The following ZBP1 variants were observed in gnomAD, a reference collection of about 807,000 sequenced individuals.
The protein encoded by ZBP1 is Z-DNA-binding protein 1.
ZBP1 carries 42 observed loss-of-function variants against 41.1 expected under a neutral mutation model. The observed-to-expected ratio is 1.02, with a 90% confidence interval of 0.80 to 1.32. ZBP1 has a LOEUF of 1.32. Among genes scored for constraint, ZBP1 ranks in the 40% most tolerant of loss-of-function variants. The pLI is 0.00. For missense variants in ZBP1, 562 were observed against 549.7 expected (o/e 1.02, Z -0.22); for synonymous variants, 214 against 205.2 (o/e 1.04, Z -0.37).
At chr20:57,615,746 C>G (rs2070806428) in intron 2 of ZBP1, 166 bp from the exon 3 acceptor site, 3 of 587,058 alleles carry the variant, frequency 5.1e-6, no homozygotes, top group African/African-American at 3.9e-5. Context: ...TGCGCCCTGG[C>G]AGCTGCGGCT....
intron 2 of ZBP1, 43 bp from the exon 3 acceptor site, chr20:57,615,623 C>T: frequency 1.3e-6 from 2 of 1,571,284 alleles, no homozygotes; most frequent in Non-Finnish European, 1.7e-6. Context: ...GGACAGAAGA[C>T]AGCACCAGGC....
chr20:57,606,564 C>T (rs936794372), intron 7 of ZBP1, among the ~76,000 whole-genome samples: 1 of 152,224 alleles, frequency 6.6e-6, no homozygotes, highest in Non-Finnish European at 1.5e-5. Context: ...ACTTTCATAA[C>T]TCGAAAGGAG....
chr20:57,605,521 T>C (rs2070472760), intron 7 of ZBP1, among the ~76,000 whole-genome samples: 1 of 152,238 alleles, frequency 6.6e-6, no homozygotes, highest in Non-Finnish European at 1.5e-5. Context: ...ATGACGAAGT[T>C]AATTAATAAA....
At chr20:57,615,138 C>T (rs2070783528) in intron 3 of ZBP1, 78 bp from the exon 4 acceptor site, 2 of 1,504,618 alleles carry the variant, frequency 1.3e-6, no homozygotes, top group African/African-American at 1.4e-5. Flanking sequence ...AGCTGTGTGG[C>T]CCTGGACCCA....
rs371035944 is a variant in ZBP1 at position 57,613,118 on chromosome 20, G to A, written c.670+45C>T. The A allele has an allele frequency of 7.6e-5, 123 of 1,612,352 alleles. 1 individual carries two copies. In the East Asian group the frequency reaches 1.7e-3, roughly 23 times the overall value. On this transcript the variant is annotated intron_variant, in intron 5 of 7. Transcript: ENST00000371173. This position sits in a 1 kb window ranked among gnomAD's most constrained non-coding sequence, Gnocchi z 4.5. ...TTGCCCCCACCCAGAGGATCCGGTG[G>A]CTCCCCACCGAGGTCCCCTCCCTGG...
At chr20:57,618,799 T>G (rs1286797132) in intron 1 of ZBP1, among the ~76,000 whole-genome samples, 1 of 152,158 alleles carries the variant, frequency 6.6e-6, no homozygotes, top group East Asian at 1.9e-4. Flanking sequence ...CAGGCTGGTG[T>G]CAAACTCCTG....
At chr20:57,605,667 G>A (rs969383650) in intron 7 of ZBP1, among the ~76,000 whole-genome samples, 1 of 152,110 alleles carries the variant, frequency 6.6e-6, no homozygotes, top group African/African-American at 2.4e-5. Flanking sequence ...GGGCGCCGTG[G>A]GTCACACCTA....
chr20:57,615,468 G>A (rs1355727383), intron 3 of ZBP1, 44 bp downstream of exon 3: 13 of 1,597,710 alleles, frequency 8.1e-6, no homozygotes, highest in African/African-American at 1.3e-5. Context: ...CCTGGGGAGT[G>A]GGATCCTGTG....
In ZBP1 at chr20:57,616,277, C is replaced by G. The variant is rs1372897343; in HGVS notation, c.226G>C (p.Glu76Gln). 6.2e-7 allele frequency: 1 copy of G among 1,614,168 alleles called. No individual in the cohort carries two copies. The highest frequency in any genetic ancestry group is 1.1e-5 in the South Asian group (1 of 91,084). ...GACAAGGCCAGCTCTGCAGGACCCT[C>G]GCCTTCAGGATCAGTCCCGCCCAAG... ...WCLGGTDPEG[E>Q]GPAELALSSP... The change falls in exon 2 of 8, where the codon GAG (glutamate) becomes CAG (glutamine). Residue 76 changes from glutamate to glutamine, a missense_variant. Physicochemically the swap from Glu to Gln is conservative, Grantham distance 29. Transcript: ENST00000371173.
At chr20:57,609,070 G>T (rs745319719) in intron 7 of ZBP1, among the ~76,000 whole-genome samples, 1 of 152,204 alleles carries the variant, frequency 6.6e-6, no homozygotes, top group African/African-American at 2.4e-5. Flanking sequence ...GCAGCCTGGA[G>T]CCAGGCCCTG....
In ZBP1 at chr20:57,604,594, G is replaced by C; in HGVS notation, c.1269C>G (p.Ser423Arg). The C allele has an allele frequency of 6.2e-7, 1 of 1,613,890 alleles. No homozygotes were observed. Among genetic ancestry groups the C allele is most frequent in the Non-Finnish European group, 8.5e-7 (1 of 1,179,840 alleles). Residue 423 changes from serine to arginine, a missense_variant, in exon 8 of 8, where the codon AGC (serine) becomes AGG (arginine). By Grantham distance (110) the Ser-to-Arg change is moderately radical. Coordinates refer to ENST00000371173, the MANE Select transcript of ZBP1 (RefSeq NM_030776.3). ...TGCACTAAATCCCACCTCCCCACCA[G>C]CTCCCCTCGTGTGAGGCTTCATCCA... Reference protein sequence around the residue: ...HYVDEASHEGSWWGGGI With the variant: ...HYVDEASHEGRWWGGGI
In ZBP1 at chr20:57,611,392, A is replaced by G. The variant is rs574824651; in HGVS notation, c.874+335T>C. Among the ~76,000 whole-genome samples, 9 of 144,890 alleles carry G rather than the reference A, an allele frequency of 6.2e-5. No homozygotes were observed. In the Admixed American group the frequency reaches 6.3e-4, roughly 10 times the overall value. On this transcript the variant is annotated intron_variant, in intron 6 of 7. Transcript: ENST00000371173. ...TCCGAGTGGCTAGGACTACAGGCGC[A>G]AGCCACCATGCCCGGTTAATTTTTT...
intron 6 of ZBP1, among the ~76,000 whole-genome samples, 178 bp downstream of exon 6, chr20:57,611,549 G>A (rs972287590): frequency 1.3e-5 from 2 of 151,534 alleles, no homozygotes; most frequent in African/African-American, 2.4e-5. Context: ...GAGCTCCCGC[G>A]CCCAGCCTAG....
At position 57,613,435 on chromosome 20, in the gene ZBP1, C is replaced by T; in HGVS notation, c.503-105G>A. ...TTCTCCTGGGGAGCTTGTTAAAATA[C>T]CCTGGGCGTTCCGAGTCAGTAGGGC... is the stretch of plus-strand genomic sequence containing the variant. On this transcript the variant is annotated intron_variant, in intron 4 of 7. Coordinates refer to ENST00000371173, the MANE Select transcript of ZBP1 (RefSeq NM_030776.3). The surrounding 1 kb of genome is among the most constrained non-coding windows in gnomAD (Gnocchi z 4.5). The T allele has an allele frequency of 7.7e-7, 1 of 1,305,974 alleles. No individual in the cohort carries two copies. Among genetic ancestry groups the T allele is most frequent in the Non-Finnish European group, 1.1e-6 (1 of 935,742 alleles). The allele number at this position is 1,305,974 out of a possible 1,614,324, so 80.9% of individuals were successfully genotyped here.
chr20:57,616,751 G>A (rs1164055545), intron 1 of ZBP1: 2 of 476,256 alleles, frequency 4.2e-6, no homozygotes, highest in Middle Eastern at 6.0e-4. Context: ...GGGTTCCAGA[G>A]GGCAGTGGGG....
Position 57,610,548 on chromosome 20 carries a change from T to C in ZBP1, c.875-181A>G. The C allele has an allele frequency of 1.6e-6, 1 of 623,968 alleles. No individual in the cohort carries two copies. The allele number at this position is 623,968 out of a possible 1,614,324, so 38.7% of individuals were successfully genotyped here. A position where few individuals can be genotyped will look rare whatever the true frequency, so the allele number is the denominator to read the frequency against. On this transcript the variant is annotated intron_variant, in intron 6 of 7. Coordinates refer to ENST00000371173, the MANE Select transcript of ZBP1 (RefSeq NM_030776.3). This position sits in a 1 kb window ranked among gnomAD's most constrained non-coding sequence, Gnocchi z 5.5. The stretch of plus-strand genomic sequence containing the variant: ...CCCGCCACACCTCCGCTCGTGCTGT[T>C]GTGCTGTCTGGGAAGCGTCTTTCTG...
intron 5 of ZBP1, among the ~76,000 whole-genome samples, chr20:57,612,297 A>G (rs921954199): frequency 4.6e-5 from 7 of 152,186 alleles, no homozygotes; most frequent in Admixed American, 3.3e-4. Flanking sequence ...CAGGGACAAC[A>G]TTTATTTTTA....
intron 5 of ZBP1, 80 bp from the exon 6 acceptor site, chr20:57,612,010 T>G: frequency 2.0e-4 from 267 of 1,355,096 alleles, no homozygotes; most frequent in Non-Finnish European, 2.5e-4. Flanking sequence ...CGCAGGCCTG[T>G]CCTCTGAATT....
At chr20:57,614,388 T>C (rs2070760043) in intron 4 of ZBP1, among the ~76,000 whole-genome samples, 1 of 152,190 alleles carries the variant, frequency 6.6e-6, no homozygotes, top group African/African-American at 2.4e-5. Context: ...TAAATGAAAT[T>C]AAAATTAAAA....
Sources: gnomAD v4.1 joint callset for allele counts (sites outside exome capture counted in the v4.1 genomes callset) on GRCh38, gnomAD v4.1.1 for gene constraint, Gnocchi (gnomAD v3.1) non-coding constraint, MANE v1.5 for transcripts, NCBI Gene and HGNC (gene_info 2026-07-23, HGNC 2026-07-21) for gene names.